Variants in PDE1C observed in about 807,000 individuals in gnomAD.
PDE1C encodes phosphodiesterase 1C, also known as dual specificity calcium/calmodulin-dependent 3',5'-cyclic nucleotide phosphodiesterase 1C.
Under a neutral mutation model 93.1 loss-of-function variants are expected in PDE1C, and 62 were observed. The observed-to-expected ratio is 0.67, with a 90% CI of 0.54 to 0.82. The LOEUF (loss-of-function observed/expected upper bound fraction) is 0.82. Among genes scored for constraint, PDE1C ranks in the 40% least tolerant of loss-of-function variants. The probability of loss-of-function intolerance (pLI) is 0.00; values close to 1 mark genes in which losing one functional copy is unlikely to be tolerated. For missense variants in PDE1C, 742 were observed against 884.6 expected (o/e 0.84, Z 2.04); for synonymous variants, 325 against 310.1 (o/e 1.05, Z -0.50).
intron 2 of PDE1C, among the ~76,000 whole-genome samples, chr7:32,033,314 C>T (rs751350273): frequency 6.6e-6 from 1 of 152,050 alleles, no homozygotes; most frequent in Non-Finnish European, 1.5e-5. Context: ...TAATCTTCCT[C>T]ACCCTGGAAT....
At position 32,143,712 on chromosome 7, in the gene PDE1C, T is replaced by A. The variant is rs139146236; in HGVS notation, c.308+26073A>T. Among the ~76,000 whole-genome samples the A allele has an allele frequency of 2.8e-3, 426 of 152,320 alleles. 5 individuals are homozygous for A. Among genetic ancestry groups the A allele is most frequent in the African/African-American group, 9.9e-3 (411 of 41,572 alleles). ...GGCAAAATGTACTTTTTCTCTTTTATTTTCTATCTTTCCTCCTTTTATTTG... is the reference window on the plus strand; with the variant it reads ...GGCAAAATGTACTTTTTCTCTTTTAATTTCTATCTTTCCTCCTTTTATTTG... On this transcript the variant is annotated intron_variant, in intron 3 of 18. Transcript: ENST00000396193.
chr7:31,690,440 C>A, the PDE1C span, among the ~76,000 whole-genome samples: 1 of 152,162 alleles, frequency 6.6e-6, no homozygotes, highest in Non-Finnish European at 1.5e-5. Context: ...ACTGTGTGGG[C>A]ACCACAAAGA....
chr7:32,326,266 G>T (rs1377138605), intron 1 of PDE1C, among the ~76,000 whole-genome samples: 1 of 152,228 alleles, frequency 6.6e-6, no homozygotes, highest in East Asian at 1.9e-4. Context: ...GCATATGCAA[G>T]TCTGGTATGC....
the PDE1C span, among the ~76,000 whole-genome samples, chr7:31,619,199 A>C: frequency 6.6e-6 from 1 of 152,094 alleles, no homozygotes; most frequent in Non-Finnish European, 1.5e-5. Context: ...TGTCCTTTCT[A>C]TGTCTATTTT....
At chr7:32,405,222 T>A (rs1230117944) in intron 1 of PDE1C, among the ~76,000 whole-genome samples, 6 of 151,336 alleles carry the variant, frequency 4.0e-5, no homozygotes, top group African/African-American at 1.5e-4. Flanking sequence ...AACCCAGGAT[T>A]AAAAGATAAT....
chr7:31,936,705 G>A (rs896949665), intron 2 of PDE1C, among the ~76,000 whole-genome samples: 8 of 152,136 alleles, frequency 5.3e-5, no homozygotes, highest in Non-Finnish European at 1.2e-4. Flanking sequence ...ATTTTAAAGG[G>A]GTAGAGAGAA....
At chr7:32,064,893 TTCTA>T (rs1478371576) in intron 1 of PDE1C, among the ~76,000 whole-genome samples, 1 of 152,128 alleles carries the variant, frequency 6.6e-6, no homozygotes, top group African/African-American at 2.4e-5. Context: ...ATGACTACAC[TTCTA>T]TCTGTCCCTC....
At chr7:31,631,954 G>A in the PDE1C span, among the ~76,000 whole-genome samples, 3 of 152,154 alleles carry the variant, frequency 2.0e-5, no homozygotes, top group Non-Finnish European at 1.5e-5. Context: ...GACGCCGGCC[G>A]ACCAGTGTCC....
intron 17 of PDE1C, among the ~76,000 whole-genome samples, chr7:31,755,572 CA>C (rs35159565): frequency 1.3e-5 from 2 of 150,848 alleles, no homozygotes; most frequent in Admixed American, 6.6e-5. Context: ...TTGAAGTGTT[CA>C]AAAAAAACAA....
chr7:32,391,113 T>G (rs1038054502), intron 1 of PDE1C, among the ~76,000 whole-genome samples: 2 of 151,976 alleles, frequency 1.3e-5, no homozygotes, highest in African/African-American at 4.8e-5. Flanking sequence ...ATTTAAAATT[T>G]TTAACTATAT....
intron 3 of PDE1C, among the ~76,000 whole-genome samples, chr7:32,154,519 C>G (rs955067822): frequency 6.6e-6 from 1 of 152,172 alleles, no homozygotes; most frequent in Non-Finnish European, 1.5e-5. Flanking sequence ...TACAACCTCA[C>G]TCAGGTTTCA....
chr7:31,829,343 A>G (rs1171076282), intron 11 of PDE1C, among the ~76,000 whole-genome samples: 15 of 152,192 alleles, frequency 9.9e-5, no homozygotes, highest in Non-Finnish European at 8.8e-5. Context: ...AATAAAAAGA[A>G]CTACTGTTGT....
At chr7:31,702,079 T>C in the PDE1C span, among the ~76,000 whole-genome samples, 1,260 of 152,332 alleles carry the variant, frequency 8.3e-3, 13 homozygotes, top group African/African-American at 0.029. Context: ...TGATCTATTT[T>C]CCATGGATCT....
At chr7:31,910,236 T>C (rs1801064354) in intron 2 of PDE1C, among the ~76,000 whole-genome samples, 1 of 152,164 alleles carries the variant, frequency 6.6e-6, no homozygotes, top group Admixed American at 6.6e-5. Context: ...CTTACTCTTC[T>C]CTTACTGCCC....
At chr7:32,123,663 T>G (rs113383323) in intron 3 of PDE1C, among the ~76,000 whole-genome samples, 29,367 of 152,186 alleles carry the variant, frequency 0.19, 3,394 homozygotes, top group South Asian at 0.26. Context: ...CATCCCTACA[T>G]GTTAAAAACT....
intron 7 of PDE1C, among the ~76,000 whole-genome samples, chr7:31,854,612 A>G (rs1039955442): frequency 5.3e-5 from 8 of 152,206 alleles, no homozygotes; most frequent in Non-Finnish European, 1.0e-4. Flanking sequence ...GGGGTACAAC[A>G]GAGCAGAGGA....
chr7:31,912,723 G>A (rs1315366758), intron 2 of PDE1C, among the ~76,000 whole-genome samples: 2 of 151,954 alleles, frequency 1.3e-5, no homozygotes, highest in Non-Finnish European at 2.9e-5. Flanking sequence ...AATTATTTTG[G>A]CTTGTGGCAT....
intron 3 of PDE1C, among the ~76,000 whole-genome samples, chr7:32,149,628 T>C (rs1801115131): frequency 6.6e-6 from 1 of 152,220 alleles, no homozygotes; most frequent in African/African-American, 2.4e-5. Context: ...TTTATATTTG[T>C]GGATGTTTAA....
chr7:32,225,579 T>A (rs1203746494), intron 1 of PDE1C, among the ~76,000 whole-genome samples: 3 of 152,040 alleles, frequency 2.0e-5, no homozygotes. Context: ...CCTGAGGAAA[T>A]TAAATTTAAG....
Sources: allele counts gnomAD v4.1 joint callset (sites outside exome capture counted in the v4.1 genomes callset), GRCh38; gene constraint gnomAD v4.1.1; transcripts MANE v1.5; gene names NCBI Gene and HGNC (gene_info 2026-07-23, HGNC 2026-07-21).